Variants in TRPM1 observed in about 807,000 individuals in gnomAD.
TRPM1 encodes the protein TRPM1-203 APA Isoform, Intron 10.
A neutral mutation model predicts 149.4 loss-of-function variants in TRPM1; 113 were observed. The observed-to-expected ratio is 0.76, with a 90% CI of 0.65 to 0.88. TRPM1 has a LOEUF of 0.88. TRPM1 is among the 40% of genes least tolerant of loss of function. TRPM1 has a pLI of 0.00. For synonymous variants in TRPM1, 741 were observed against 759.5 expected (o/e 0.98, Z 0.40); for missense variants, 1,976 against 2,038.7 (o/e 0.97, Z 0.59).
chr15:31,084,911 A>G (rs1288594653), intron 1 of TRPM1, among the ~76,000 whole-genome samples: 21 of 149,676 alleles, frequency 1.4e-4, no homozygotes, highest in African/African-American at 5.2e-4. Flanking sequence ...CTGGTCTCGA[A>G]CTCCTGACCT....
At position 31,040,390 on chromosome 15, in the gene TRPM1, C is replaced by CA. The variant is rs1567012258; in HGVS notation, c.2088-45dup. 7.7e-6 allele frequency: 12 copies of CA among 1,552,102 alleles called. No homozygotes were observed. Among genetic ancestry groups the CA allele is most frequent in the South Asian group, 1.1e-5 (1 of 89,722 alleles). ...GACCAGGGTGAAGCCACAGTGGCCG[C>CA]AAGCTGTTTCTTAGACAGGCATATC... On this transcript the variant is annotated intron_variant, in intron 17 of 27. Coordinates refer to ENST00000256552, the MANE Select transcript of TRPM1 (RefSeq NM_001252024.2). The surrounding 1 kb of genome is among the most constrained non-coding windows in gnomAD (Gnocchi z 4.2).
rs539068261 is a variant in TRPM1, at chr15:31,069,257, C to T, written c.279+774G>A. On this transcript the variant is annotated intron_variant, in intron 4 of 27. Coordinates refer to ENST00000256552, the MANE Select transcript of TRPM1 (RefSeq NM_001252024.2). ...GTAAATGGGTCAGGCGATCATGGGC[C>T]CACCCATGAACTTGACCTCTTCAAA... The T allele has an allele frequency of 8.2e-5, 20 of 244,080 alleles. 1 individual carries two copies. In the East Asian group the frequency reaches 3.5e-3, roughly 42 times the overall value. 15.1% of individuals were successfully genotyped at this position (244,080 alleles called of 1,614,324 possible). A position where few individuals can be genotyped will look rare whatever the true frequency, so the allele number is the denominator to read the frequency against.
chr15:31,011,609 G>C (rs116924272), intron 27 of TRPM1, among the ~76,000 whole-genome samples: 94 of 151,510 alleles, frequency 6.2e-4, no homozygotes, highest in Non-Finnish European at 4.4e-5. Context: ...TGCTTGCCCT[G>C]GGGATTATCA....
At chr15:31,066,950 A>ATTTC (rs750662425) in intron 6 of TRPM1, 113 bp downstream of exon 6, 33 of 1,394,282 alleles carry the variant, frequency 2.4e-5, no homozygotes, top group Admixed American at 7.3e-5. Context: ...GGAATGGGAA[A>ATTTC]GGCTGCAAGG....
chr15:31,044,345 G>T (rs1471688505), intron 16 of TRPM1, among the ~76,000 whole-genome samples: 2 of 151,766 alleles, frequency 1.3e-5, no homozygotes, highest in Admixed American at 1.3e-4. Flanking sequence ...GTATATGGAA[G>T]AAACAAATAC....
Position 31,088,153 on chromosome 15 carries a change from T to G in TRPM1, c.-83-6715A>C, listed in dbSNP as rs536013165. Reference sequence around the variant, plus strand: ...TAAATGCACCAATCAGCACTCTGTGTCTAGCTAAAGGTTTGTAACGCACCA... The same window carrying G: ...TAAATGCACCAATCAGCACTCTGTGGCTAGCTAAAGGTTTGTAACGCACCA... On this transcript the variant is annotated intron_variant, in intron 1 of 27. Coordinates refer to ENST00000256552, the MANE Select transcript of TRPM1 (RefSeq NM_001252024.2). 7.9e-5 allele frequency among the ~76,000 whole-genome samples: 12 copies of G among 152,242 alleles called. 1 individual carries two copies. The highest frequency in any genetic ancestry group is 7.2e-4 in the Admixed American group (11 of 15,280).
chr15:31,038,169 A>G lies in TRPM1; in HGVS notation c.2317-3T>C. On this transcript the variant is annotated splice_region_variant and splice_polypyrimidine_tract_variant and intron_variant, in intron 18 of 27. Coordinates refer to ENST00000256552, the MANE Select transcript of TRPM1 (RefSeq NM_001252024.2). ...GGTAGAAGAATCCCCATGATAACCT[A>G]CGGAACATAAATTGATTTTTTAAGC... 6.2e-7 allele frequency: 1 copy of G among 1,613,988 alleles called. No homozygotes were observed. Among genetic ancestry groups the G allele is most frequent in the Non-Finnish European group, 8.5e-7 (1 of 1,179,924 alleles).
rs141529379 is a variant in TRPM1, at chr15:31,114,335, C to T, written c.55-37351G>A. On this transcript the variant is annotated intron_variant, in intron 1 of 26. Transcript: ENST00000542188. ...CCCTCCAGCTTCATCCATGTCCCTG[C>T]AAAGGACATGATCTTGTTCTTTTTT... is the stretch of plus-strand genomic sequence containing the variant. 4.6e-5 allele frequency among the ~76,000 whole-genome samples: 7 copies of T among 152,310 alleles called. No homozygotes were observed. The East Asian group carries it at 1.2e-3, about 25-fold the overall frequency.
intron 1 of TRPM1, among the ~76,000 whole-genome samples, chr15:31,154,599 C>G (rs1053974821): frequency 6.6e-6 from 1 of 152,202 alleles, no homozygotes; most frequent in Non-Finnish European, 1.5e-5. Flanking sequence ...ACTATAACAG[C>G]CCTTTCCCAA....
At chr15:31,133,644 G>A (rs183623234) in intron 1 of TRPM1, among the ~76,000 whole-genome samples, 1 of 150,158 alleles carries the variant, frequency 6.7e-6, no homozygotes, top group African/African-American at 2.5e-5. Context: ...ATTGTACCAC[G>A]ACACTCCAGC....
At chr15:31,087,046 G>A (rs751502956) in intron 1 of TRPM1, among the ~76,000 whole-genome samples, 1 of 151,846 alleles carries the variant, frequency 6.6e-6, no homozygotes, top group African/African-American at 2.4e-5. Flanking sequence ...TGCCCATTAG[G>A]ATGGATACTC....
rs138138373 is a variant in TRPM1, at chr15:31,156,325, A to G, written c.54+4581T>C. 2.2e-3 allele frequency among the ~76,000 whole-genome samples: 336 copies of G among 152,098 alleles called. 3 individuals carry two copies. Among genetic ancestry groups the G allele is most frequent in the African/African-American group, 8.0e-3 (332 of 41,476 alleles). On this transcript the variant is annotated intron_variant, in intron 1 of 26. Transcript: ENST00000542188. Reference sequence around the variant, plus strand: ...TTTGCAGCTGTAAAGAGTTCTATTAACATAATAGAGCTTTCCCCTTCTAGG... The same window carrying G: ...TTTGCAGCTGTAAAGAGTTCTATTAGCATAATAGAGCTTTCCCCTTCTAGG...
upstream of TRPM1, among the ~76,000 whole-genome samples, chr15:31,106,285 C>T (rs940509731): frequency 2.6e-5 from 4 of 151,418 alleles, no homozygotes; most frequent in South Asian, 4.2e-4. Context: ...ACTACAGGTA[C>T]GTGCCACCAT....
chr15:31,140,978 C>T (rs1385897121), intron 1 of TRPM1, among the ~76,000 whole-genome samples: 1 of 151,674 alleles, frequency 6.6e-6, no homozygotes, highest in Non-Finnish European at 1.5e-5. Context: ...CGTACCACTG[C>T]ATCCAGCTAA....
At chr15:31,096,427 CCTT>C (rs1158602922) in intron 1 of TRPM1, among the ~76,000 whole-genome samples, 1 of 152,230 alleles carries the variant, frequency 6.6e-6, no homozygotes, top group Admixed American at 6.5e-5. Context: ...GTCCCCATCT[CCTT>C]CTCCCATCAC....
rs181549484 is a variant in TRPM1 at position 31,022,212 on chromosome 15, G to A, written c.3629+3927C>T. On this transcript the variant is annotated intron_variant, in intron 27 of 27. Coordinates refer to ENST00000256552, the MANE Select transcript of TRPM1 (RefSeq NM_001252024.2). Reference sequence around the variant, plus strand: ...AACCACAAAGAGAACAGTGTGCTCCGTAGTGGATGTGCAGAAGACACAGAT... The same window carrying A: ...AACCACAAAGAGAACAGTGTGCTCCATAGTGGATGTGCAGAAGACACAGAT... Among the ~76,000 whole-genome samples, 8 of 152,324 alleles carry A rather than the reference G, an allele frequency of 5.3e-5. No individual in the cohort carries two copies. In the East Asian group the frequency reaches 7.7e-4, roughly 15 times the overall value.
chr15:31,013,689 CTTG>C (rs887189634), intron 27 of TRPM1, among the ~76,000 whole-genome samples: 3 of 152,076 alleles, frequency 2.0e-5, no homozygotes, highest in Admixed American at 6.5e-5. Flanking sequence ...CCCTCTCAGG[CTTG>C]TTGTTATTGC....
At chr15:31,004,229 T>C (rs2031893666) in intron 27 of TRPM1, among the ~76,000 whole-genome samples, 1 of 152,152 alleles carries the variant, frequency 6.6e-6, no homozygotes, top group Admixed American at 6.5e-5. Context: ...CTACCTTCTC[T>C]GCACATCCTT....
intron 27 of TRPM1, among the ~76,000 whole-genome samples, chr15:31,022,682 T>C (rs28510338): frequency 0.075 from 11,439 of 152,224 alleles, 692 homozygotes; most frequent in African/African-American, 0.16. Flanking sequence ...GTTTCCTTTT[T>C]GATATTCCAT....
Sources: gnomAD v4.1 joint callset for allele counts (sites outside exome capture counted in the v4.1 genomes callset) on GRCh38, gnomAD v4.1.1 for gene constraint, Gnocchi (gnomAD v3.1) non-coding constraint, MANE v1.5 for transcripts, NCBI Gene and HGNC (gene_info 2026-07-23, HGNC 2026-07-21) for gene names.